The following THEMIS variants were observed in gnomAD, a reference collection of about 807,000 sequenced individuals.
The protein encoded by THEMIS is protein THEMIS.
Under a neutral mutation model 52.6 loss-of-function variants are expected in THEMIS, and 37 were observed. The observed-to-expected ratio is 0.70, with a 90% CI of 0.54 to 0.93. THEMIS has a LOEUF of 0.93. Among genes scored for constraint, THEMIS ranks in the 40% least tolerant of loss-of-function variants. The probability of loss-of-function intolerance (pLI) is 0.00; values close to 1 mark genes in which losing one functional copy is unlikely to be tolerated. For missense variants in THEMIS, 808 were observed against 763.1 expected (o/e 1.06, Z -0.69); for synonymous variants, 292 against 272.7 (o/e 1.07, Z -0.70).
intron 4 of THEMIS, among the ~76,000 whole-genome samples, chr6:127,749,521 T>C (rs1164761959): frequency 6.6e-6 from 1 of 152,016 alleles, no homozygotes; most frequent in Non-Finnish European, 1.5e-5. Context: ...CTTTACAATT[T>C]TTGCTGTGTG....
At chr6:127,916,997 C>T (rs1781540634) in intron 1 of THEMIS, among the ~76,000 whole-genome samples, 1 of 152,152 alleles carries the variant, frequency 6.6e-6, no homozygotes, top group Admixed American at 6.5e-5. Context: ...AAGATTAGGA[C>T]TAGAATCAAA....
At chr6:127,806,883 C>T (rs1164194813) in intron 4 of THEMIS, among the ~76,000 whole-genome samples, 1 of 152,202 alleles carries the variant, frequency 6.6e-6, no homozygotes, top group African/African-American at 2.4e-5. Flanking sequence ...TCAAGTTTGG[C>T]TAACTTTCAA....
intron 3 of THEMIS, among the ~76,000 whole-genome samples, chr6:127,815,087 G>A (rs1465484000): frequency 6.6e-6 from 1 of 152,116 alleles, no homozygotes; most frequent in African/African-American, 2.4e-5. Flanking sequence ...AGAAGCAAAT[G>A]TTGCAGTGAA....
chr6:127,905,827 TG>T (rs1781254841), upstream of THEMIS, among the ~76,000 whole-genome samples: 1 of 115,140 alleles, frequency 8.7e-6, no homozygotes, highest in Non-Finnish European at 2.2e-5. Flanking sequence ...AAATGGTAAA[TG>T]AATGATAAAA....
chr6:127,786,139 T>G (rs1284628889), intron 4 of THEMIS, among the ~76,000 whole-genome samples: 3 of 152,154 alleles, frequency 2.0e-5, no homozygotes, highest in African/African-American at 7.2e-5. Flanking sequence ...AAAGTGAAAT[T>G]TTATAAACCA....
In THEMIS at chr6:127,813,221, C is replaced by T. The variant is rs1220720885; in HGVS notation, c.1420G>A (p.Ala474Thr). The T allele has an allele frequency of 1.9e-6, 3 of 1,613,994 alleles. No homozygotes were observed. In the Admixed American group the frequency reaches 5.0e-5, roughly 27 times the overall value. The change falls in exon 4 of 6, where the codon GCT becomes ACT. Residue 474 changes from alanine to threonine, a missense_variant. Physicochemically the swap from Ala to Thr is moderately conservative, Grantham distance 58. Transcript: ENST00000368248. ...RDLSIEEDVL[A>T]ATPGLQLEED... ...TCCAACTGCAGTCCTGGTGTGGCAG[C>T]CAACACGTCCTCTTCAATGGAAAGA... is the stretch of plus-strand genomic sequence containing the variant.
chr6:127,715,031 G>A (rs1215417553), intron 5 of THEMIS, among the ~76,000 whole-genome samples: 1 of 151,912 alleles, frequency 6.6e-6, no homozygotes, highest in African/African-American at 2.4e-5. Context: ...AATAGGAAAT[G>A]ATATTTCAGA....
At chr6:127,703,051 T>G in the THEMIS span, among the ~76,000 whole-genome samples, 552 of 118,874 alleles carry the variant, frequency 4.6e-3, 36 homozygotes, top group Admixed American at 7.4e-3. Flanking sequence ...TTTTTTTTTT[T>G]TTTTTTTTTT....
At chr6:127,862,576 C>T (rs537264836) in intron 1 of THEMIS, among the ~76,000 whole-genome samples, 14 of 151,492 alleles carry the variant, frequency 9.2e-5, no homozygotes, top group Middle Eastern at 3.4e-3. Flanking sequence ...CTCACCACCA[C>T]GCCCAGATAA....
At chr6:127,867,277 A>T (rs1156589992) in intron 1 of THEMIS, among the ~76,000 whole-genome samples, 1 of 152,096 alleles carries the variant, frequency 6.6e-6, no homozygotes, top group Non-Finnish European at 1.5e-5. Flanking sequence ...CCCACCAAAG[A>T]AAAACCTAGT....
intron 4 of THEMIS, among the ~76,000 whole-genome samples, chr6:127,746,652 T>C (rs1034923548): frequency 7.3e-6 from 1 of 136,438 alleles, no homozygotes; most frequent in Non-Finnish European, 1.5e-5. Context: ...ATGAATAAGA[T>C]TGATTATATA....
intron 4 of THEMIS, among the ~76,000 whole-genome samples, chr6:127,737,789 A>T (rs1775058235): frequency 6.6e-6 from 1 of 152,176 alleles, no homozygotes; most frequent in South Asian, 2.1e-4. Flanking sequence ...AGAGAACCTT[A>T]ATGTGTTTTT....
In THEMIS at chr6:127,719,742, C is replaced by A; in HGVS notation, c.1840G>T (p.Asp614Tyr). The A allele has an allele frequency of 2.5e-6, 4 of 1,612,448 alleles. No homozygotes were observed. Among genetic ancestry groups the A allele is most frequent in the Non-Finnish European group, 3.4e-6 (4 of 1,179,008 alleles). The change falls in exon 5 of 6, where the codon GAT becomes TAT. Residue 614 changes from aspartate (D) to tyrosine (Y), a missense_variant. Coordinates refer to ENST00000368248, the MANE Select transcript of THEMIS (RefSeq NM_001010923.3). ...CTTTCTTTCTCTTCATCCACCAAATCATTCTGACTACCAATCAGTACTTTT... is the reference window on the plus strand; with the variant it reads ...CTTTCTTTCTCTTCATCCACCAAATAATTCTGACTACCAATCAGTACTTTT... Reference protein sequence around the residue: ...DSKVLIGSQNDLVDEEKERSN... With the variant: ...DSKVLIGSQNYLVDEEKERSN...
intron 1 of THEMIS, among the ~76,000 whole-genome samples, chr6:127,907,337 A>ATTTTTTTTTTT (rs58472332): frequency 0.014 from 688 of 49,444 alleles, 172 homozygotes; most frequent in Non-Finnish European, 0.019. Flanking sequence ...TTAGGCTCGG[A>ATTTTTTTTTTT]TTTTTTTTTT....
intron 1 of THEMIS, among the ~76,000 whole-genome samples, chr6:127,884,876 A>G (rs1042091346): frequency 6.6e-6 from 1 of 152,128 alleles, no homozygotes; most frequent in African/African-American, 2.4e-5. Flanking sequence ...CTGGCCTCAC[A>G]TGGCCTTTCT....
At chr6:127,832,673 C>T (rs1778734733) in intron 2 of THEMIS, among the ~76,000 whole-genome samples, 1 of 150,836 alleles carries the variant, frequency 6.6e-6, no homozygotes, top group Admixed American at 6.6e-5. Flanking sequence ...AGACACATTC[C>T]AAGACTTGAG....
downstream of THEMIS, among the ~76,000 whole-genome samples, chr6:127,706,069 A>G (rs1299518907): frequency 1.3e-5 from 2 of 152,136 alleles, no homozygotes; most frequent in African/African-American, 4.8e-5. Context: ...AGGGAACCTG[A>G]GCTAAGATAA....
chr6:127,878,450 CA>C (rs66542329), intron 1 of THEMIS, among the ~76,000 whole-genome samples: 2,278 of 148,158 alleles, frequency 0.015, 54 homozygotes, highest in African/African-American at 0.052. Context: ...TATCTATTTG[CA>C]AAAAAAAAAT....
chr6:127,845,924 G>A (rs1028883072), intron 2 of THEMIS, among the ~76,000 whole-genome samples: 2 of 151,820 alleles, frequency 1.3e-5, no homozygotes, highest in African/African-American at 2.4e-5. Flanking sequence ...ACGCAAGAAA[G>A]ACCCACAAAA....
Sources: gnomAD v4.1 joint callset for allele counts (sites outside exome capture counted in the v4.1 genomes callset) on GRCh38, gnomAD v4.1.1 for gene constraint, MANE v1.5 for transcripts, NCBI Gene and HGNC (gene_info 2026-07-23, HGNC 2026-07-21) for gene names.